RPRD2: variants seen among roughly 807,000 people sequenced by gnomAD.
The protein encoded by RPRD2 is regulation of nuclear pre-mRNA domain containing 2, also known as regulation of nuclear pre-mRNA domain-containing protein 2.
In RPRD2, 12 loss-of-function variants were observed where a neutral mutation model predicts 104.4. The observed-to-expected ratio is 0.11, with a 90% CI of 0.07 to 0.19. The LOEUF (loss-of-function observed/expected upper bound fraction) is 0.19, where lower values mean the gene tolerates loss of function less well. Among genes scored for constraint, RPRD2 ranks in the 10% least tolerant of loss-of-function variants. The pLI is 1.00. For missense variants in RPRD2, 1,543 were observed against 1,790.1 expected, an observed-to-expected ratio of 0.86 and a Z score of 2.49; for synonymous variants, 714 against 684.9, an observed-to-expected ratio of 1.04 and a Z score of -0.66.
At chr1:150,383,306 G>GT (rs1553881149) in intron 1 of RPRD2, among the ~76,000 whole-genome samples, 8,065 of 126,634 alleles carry the variant, frequency 0.064, 753 homozygotes, top group African/African-American at 0.19. Context: ...CAAATAAGAG[G>GT]TTTTTTTTTT....
intron 2 of RPRD2, among the ~76,000 whole-genome samples, chr1:150,431,670 AGG>A (rs1157101340): frequency 4.0e-4 from 21 of 52,246 alleles, no homozygotes; most frequent in Non-Finnish European, 1.0e-3. Context: ...TAGTAGAGAC[AGG>A]GGTTCACCAT....
intron 2 of RPRD2, among the ~76,000 whole-genome samples, chr1:150,439,056 A>G (rs141951370): frequency 0.02 from 3,071 of 152,144 alleles, 131 homozygotes; most frequent in African/African-American, 0.071. Flanking sequence ...GATGGTCTCG[A>G]TCTCTTGACC....
intron 1 of RPRD2, among the ~76,000 whole-genome samples, chr1:150,390,485 G>A (rs1384076347): frequency 6.6e-6 from 1 of 152,054 alleles, no homozygotes; most frequent in Non-Finnish European, 1.5e-5. Context: ...GGCGACAAGT[G>A]AGACTCCGTC....
intron 1 of RPRD2, among the ~76,000 whole-genome samples, chr1:150,374,890 T>G (rs1660584996): frequency 2.0e-5 from 3 of 152,166 alleles, no homozygotes; most frequent in Admixed American, 6.6e-5. Context: ...TCTATTTTGG[T>G]CTCTTGCGTA....
chr1:150,436,590 C>T (rs1560201130), intron 2 of RPRD2, among the ~76,000 whole-genome samples: 1 of 144,388 alleles, frequency 6.9e-6, no homozygotes, highest in African/African-American at 2.6e-5. Context: ...CAGAGCAAGA[C>T]TCCGTCTCAA....
intron 9 of RPRD2, among the ~76,000 whole-genome samples, chr1:150,461,972 G>T (rs1368287902): frequency 7.2e-6 from 1 of 138,778 alleles, no homozygotes; most frequent in Admixed American, 7.2e-5. Flanking sequence ...GCAATACTCC[G>T]TCTCAAAAAA....
chr1:150,420,370 C>G (rs1553889421), intron 2 of RPRD2, among the ~76,000 whole-genome samples: 1 of 152,042 alleles, frequency 6.6e-6, no homozygotes, highest in African/African-American at 2.4e-5. Flanking sequence ...TAAGTTAAAA[C>G]CTTAAGCCCC....
intron 2 of RPRD2, among the ~76,000 whole-genome samples, chr1:150,430,160 C>G (rs180907089): frequency 1.6e-4 from 25 of 152,194 alleles, no homozygotes; most frequent in African/African-American, 6.0e-4. Context: ...TAGTTCCTTC[C>G]CAAATGAGTT....
rs562476167 is a variant in RPRD2, at chr1:150,387,567, C to CTTTTTTTTTTTTTT, written c.205+22676_205+22689dup. Among the ~76,000 whole-genome samples, 57 of 73,774 alleles carry CTTTTTTTTTTTTTT rather than the reference C, an allele frequency of 7.7e-4. 6 individuals carry two copies. The highest frequency in any genetic ancestry group is 1.5e-3 in the East Asian group (3 of 1,960). 48.4% of individuals were successfully genotyped at this position (73,774 alleles called of 152,430 possible). On this transcript the variant is annotated intron_variant, in intron 1 of 10. Coordinates refer to ENST00000369068, the MANE Select transcript of RPRD2 (RefSeq NM_015203.5). ...AAATCTTACAGAAGTTGCAACAGAC[C>CTTTTTTTTTTTTTT]TTTTTTTTTTTTTTTTTTTTTTTTT... is the stretch of plus-strand genomic sequence containing the variant.
chr1:150,371,751 C>A (rs1312536204), intron 1 of RPRD2, among the ~76,000 whole-genome samples: 6 of 152,156 alleles, frequency 3.9e-5, no homozygotes, highest in Admixed American at 3.3e-4. Context: ...CCCAGGCATT[C>A]TTGATCTACA....
At chr1:150,386,055 T>C (rs1440488775) in intron 1 of RPRD2, among the ~76,000 whole-genome samples, 1 of 152,172 alleles carries the variant, frequency 6.6e-6, no homozygotes, top group Non-Finnish European at 1.5e-5. Context: ...GACATTAAGG[T>C]AAGAAAGATA....
Position 150,416,889 on chromosome 1 carries a change from A to AAAC in RPRD2, c.206-704_206-702dup, listed in dbSNP as rs1240631445. Among the ~76,000 whole-genome samples, 3 of 151,108 alleles carry AAAC rather than the reference A, an allele frequency of 2.0e-5. No homozygotes were observed. The East Asian group carries it at 5.8e-4, about 29-fold the overall frequency. ...TCCATCTCCAAAAAAAAAAAAAAAA[A>AAAC]AACAAAAAGAAGAAGAAGAAAAGCT... On this transcript the variant is annotated intron_variant, in intron 1 of 10. Transcript: ENST00000369068.
At chr1:150,399,360 T>C (rs1281919286) in intron 1 of RPRD2, among the ~76,000 whole-genome samples, 1 of 152,206 alleles carries the variant, frequency 6.6e-6, no homozygotes, top group Non-Finnish European at 1.5e-5. Flanking sequence ...GCATGAGATA[T>C]GGCTCAATTT....
chr1:150,372,060 G>A (rs1304785182), intron 1 of RPRD2, among the ~76,000 whole-genome samples: 1 of 152,050 alleles, frequency 6.6e-6, no homozygotes, highest in Non-Finnish European at 1.5e-5. Flanking sequence ...CTTTCTAAAT[G>A]TAAGGTTCAT....
At position 150,464,598 on chromosome 1, in the gene RPRD2, A is replaced by G; in HGVS notation, c.1483A>G (p.Thr495Ala). ...CAGCAACCTCACCAGTGGCCTGAAA[A>G]CACCTGCACCTGCCACGACAACATC... ...SPSNLTSGLK[T>A]PAPATTTSHN... The change falls in exon 10 of 11, where the codon ACA becomes GCA. Residue 495 changes from threonine (T) to alanine (A), a missense_variant. Thr to Ala is a moderately conservative substitution (Grantham distance 58). Around this residue, in one of 4 missense-constraint regions of RPRD2, gnomAD observed 572 missense variants for 787.3 expected, o/e 0.73. Coordinates refer to ENST00000369068, the MANE Select transcript of RPRD2 (RefSeq NM_015203.5). The G allele has an allele frequency of 6.2e-7, 1 of 1,608,846 alleles. No individual in the cohort carries two copies. Among genetic ancestry groups the G allele is most frequent in the South Asian group, 1.1e-5 (1 of 90,180 alleles).
intron 2 of RPRD2, among the ~76,000 whole-genome samples, chr1:150,433,642 C>T (rs987755715): frequency 2.9e-4 from 43 of 148,688 alleles, no homozygotes; most frequent in Non-Finnish European, 4.0e-4. Flanking sequence ...GATGGGGTTT[C>T]ACAGTGTTAG....
chr1:150,461,891 A>T (rs1667957428), intron 9 of RPRD2, among the ~76,000 whole-genome samples: 1 of 151,998 alleles, frequency 6.6e-6, no homozygotes, highest in Admixed American at 6.6e-5. Context: ...AAGGCAGGAG[A>T]ATGGCCTGAA....
chr1:150,460,484 A>G (rs1388696219), intron 9 of RPRD2, among the ~76,000 whole-genome samples, 167 bp downstream of exon 9: 2 of 151,812 alleles, frequency 1.3e-5, no homozygotes, highest in African/African-American at 4.8e-5. Flanking sequence ...GCTCACTGCA[A>G]CCTCTGCCTC....
At position 150,439,945 on chromosome 1, in the gene RPRD2, T is replaced by C. The variant is rs587653408; in HGVS notation, c.336-978T>C. Among the ~76,000 whole-genome samples, 11 of 152,246 alleles carry C rather than the reference T, an allele frequency of 7.2e-5. No homozygotes were observed. The East Asian group carries it at 1.3e-3, about 19-fold the overall frequency. On this transcript the variant is annotated intron_variant, in intron 2 of 10. Coordinates refer to ENST00000369068, the MANE Select transcript of RPRD2 (RefSeq NM_015203.5). ...AAATTATTAACTTTATTGGTAATTATTTCTCATTCACTTCTACTTTAACAC... is the reference window on the plus strand; with the variant it reads ...AAATTATTAACTTTATTGGTAATTACTTCTCATTCACTTCTACTTTAACAC...
Sources: gnomAD v4.1 joint callset for allele counts (sites outside exome capture counted in the v4.1 genomes callset) on GRCh38, gnomAD v4.1.1 for gene constraint, gnomAD v4.1.1 regional missense constraint, MANE v1.5 for transcripts, NCBI Gene and HGNC (gene_info 2026-07-23, HGNC 2026-07-21) for gene names.